The following PRKD1 variants were observed in gnomAD, a reference collection of about 807,000 sequenced individuals.
PRKD1 encodes protein kinase D1, also known as serine/threonine-protein kinase D1.
PRKD1 carries 63 observed loss-of-function variants against 95.9 expected under a neutral mutation model. That is an observed-to-expected ratio of 0.66 (90% CI 0.54 to 0.81). The LOEUF (loss-of-function observed/expected upper bound fraction) is 0.81, where lower values mean the gene tolerates loss of function less well. PRKD1 is among the 30% of genes least tolerant of loss of function. The probability of loss-of-function intolerance (pLI) is 0.00; values close to 1 mark genes in which losing one functional copy is unlikely to be tolerated. For missense variants in PRKD1, 1,048 were observed against 1,165.3 expected (o/e 0.90, Z 1.47); for synonymous variants, 425 against 423.1 (o/e 1.00, Z -0.05).
At chr14:29,615,780 C>T (rs1199735498) in intron 13 of PRKD1, among the ~76,000 whole-genome samples, 1 of 152,216 alleles carries the variant, frequency 6.6e-6, no homozygotes, top group East Asian at 1.9e-4. Flanking sequence ...TTCACAGGTA[C>T]TGTCGAATGA....
intron 1 of PRKD1, among the ~76,000 whole-genome samples, chr14:29,779,234 G>C (rs1007213214): frequency 1.3e-5 from 2 of 152,170 alleles, no homozygotes; most frequent in African/African-American, 4.8e-5. Flanking sequence ...GCACAAGACA[G>C]GGATGTCCTT....
At chr14:29,698,753 G>T (rs1884669662) in intron 2 of PRKD1, among the ~76,000 whole-genome samples, 1 of 151,734 alleles carries the variant, frequency 6.6e-6, no homozygotes, top group Non-Finnish European at 1.5e-5. Flanking sequence ...ACTTAATCGT[G>T]GTCTCTTTTC....
At position 29,674,000 on chromosome 14, in the gene PRKD1, T is replaced by C. The variant is rs534185564; in HGVS notation, c.404-7792A>G. On this transcript the variant is annotated intron_variant, in intron 2 of 17. Transcript: ENST00000331968. ...TATAAAATGGGCTTCGTGTGATGCATCTCACTGGATTATGAGGAAGACACA... is the reference window on the plus strand; with the variant it reads ...TATAAAATGGGCTTCGTGTGATGCACCTCACTGGATTATGAGGAAGACACA... Among the ~76,000 whole-genome samples, 204 of 152,210 alleles carry C rather than the reference T, an allele frequency of 1.3e-3. 1 individual carries two copies. The highest frequency in any genetic ancestry group is 4.3e-3 in the African/African-American group (180 of 41,522).
At chr14:29,835,640 G>C (rs568120329) in intron 1 of PRKD1, among the ~76,000 whole-genome samples, 1 of 152,050 alleles carries the variant, frequency 6.6e-6, no homozygotes, top group Non-Finnish European at 1.5e-5. Context: ...GCGCGATCTT[G>C]GCTCACCACA....
intron 1 of PRKD1, among the ~76,000 whole-genome samples, chr14:29,905,641 T>C (rs1357534934): frequency 1.3e-5 from 2 of 152,150 alleles, no homozygotes; most frequent in African/African-American, 4.8e-5. Context: ...GCTAGAAACA[T>C]GGCTGAAAAT....
At chr14:29,860,516 G>A (rs543337423) in intron 1 of PRKD1, among the ~76,000 whole-genome samples, 8 of 152,132 alleles carry the variant, frequency 5.3e-5, no homozygotes, top group Non-Finnish European at 1.0e-4. Flanking sequence ...GAGATATCAC[G>A]TTAATTCAAA....
chr14:29,816,666 C>T (rs1392777224), intron 1 of PRKD1, among the ~76,000 whole-genome samples: 1 of 152,148 alleles, frequency 6.6e-6, no homozygotes, highest in Non-Finnish European at 1.5e-5. Flanking sequence ...ACCAGAAGTT[C>T]ACATTTACTC....
rs143713980 is a variant in PRKD1, at chr14:29,789,319, T to C, written c.265-63645A>G. ...GTCACGTTTCCTTGCTTTTTCATTT[T>C]TCTGTGCCCTTATCTTGATATCTGC... is the stretch of plus-strand genomic sequence containing the variant. On this transcript the variant is annotated intron_variant, in intron 1 of 17. Coordinates refer to ENST00000331968, the MANE Select transcript of PRKD1 (RefSeq NM_002742.3). 2.0e-5 allele frequency among the ~76,000 whole-genome samples: 3 copies of C among 152,358 alleles called. No homozygotes were observed. The East Asian group carries it at 5.8e-4, about 29-fold the overall frequency.
At chr14:29,717,192 A>T (rs987525996) in intron 2 of PRKD1, among the ~76,000 whole-genome samples, 1 of 152,176 alleles carries the variant, frequency 6.6e-6, no homozygotes, top group African/African-American at 2.4e-5. Context: ...CAATAAATAG[A>T]TATTGATTGC....
intron 1 of PRKD1, among the ~76,000 whole-genome samples, chr14:29,891,655 G>T (rs1283380091): frequency 6.6e-6 from 1 of 150,582 alleles, no homozygotes; most frequent in African/African-American, 2.4e-5. Context: ...GTAAATTTTT[G>T]GGGTTTTTTT....
intron 4 of PRKD1, chr14:29,650,456 C>T (rs552614774): frequency 6.6e-6 from 1 of 152,510 alleles, no homozygotes; most frequent in East Asian, 1.9e-4. Flanking sequence ...CAGGTCTCCT[C>T]TGTCCCGGGG....
chr14:29,816,166 C>T (rs949700673), intron 1 of PRKD1, among the ~76,000 whole-genome samples: 2 of 152,004 alleles, frequency 1.3e-5, no homozygotes, highest in South Asian at 2.1e-4. Context: ...TGCAGTGAGC[C>T]GAGATCTTGC....
chr14:29,601,484 T>A (rs1893517629), intron 13 of PRKD1, among the ~76,000 whole-genome samples: 1 of 152,144 alleles, frequency 6.6e-6, no homozygotes, highest in Non-Finnish European at 1.5e-5. Context: ...AGGGCTAGAG[T>A]CATTGTTCTT....
intron 1 of PRKD1, among the ~76,000 whole-genome samples, chr14:29,904,185 T>C (rs528234302): frequency 6.6e-6 from 1 of 152,334 alleles, no homozygotes; most frequent in South Asian, 2.1e-4. Flanking sequence ...ATAGTGTATT[T>C]GTGTTCACTA....
intron 1 of PRKD1, among the ~76,000 whole-genome samples, chr14:29,767,609 T>C (rs1888312235): frequency 6.6e-6 from 1 of 152,166 alleles, no homozygotes; most frequent in African/African-American, 2.4e-5. Flanking sequence ...CTCATTCCAT[T>C]TTAGCCAGTG....
chr14:29,700,964 ACGCGTGCGCATGCG>A lies in PRKD1; in HGVS notation c.403+24558_403+24571del, dbSNP rs1351554345. The stretch of plus-strand genomic sequence containing the variant: ...CCTTCCTCCCAAGGCATTTGTGTGT[ACGCGTGCGCATGCG>A]CGCGCGCGCGCACACACACACACAC... On this transcript the variant is annotated intron_variant, in intron 2 of 17. Coordinates refer to ENST00000331968, the MANE Select transcript of PRKD1 (RefSeq NM_002742.3). 2.3e-4 allele frequency among the ~76,000 whole-genome samples: 10 copies of A among 44,032 alleles called. No homozygotes were observed. The East Asian group carries it at 3.5e-3, about 15-fold the overall frequency. The allele number at this position is 44,032 out of a possible 152,430, so 28.9% of individuals were successfully genotyped here. A position where few individuals can be genotyped will look rare whatever the true frequency, so the allele number is the denominator to read the frequency against.
At chr14:29,742,380 A>G (rs376908798) in intron 1 of PRKD1, among the ~76,000 whole-genome samples, 21 of 152,276 alleles carry the variant, frequency 1.4e-4, no homozygotes, top group African/African-American at 4.8e-4. Flanking sequence ...GCCTACAAAG[A>G]CCTTTCTATG....
chr14:29,737,357 A>AAAG (rs1354588813), intron 1 of PRKD1, among the ~76,000 whole-genome samples: 103 of 147,946 alleles, frequency 7.0e-4, no homozygotes, highest in Non-Finnish European at 1.2e-3. Context: ...AAAAAAAAAA[A>AAAG]AAAAATACTC....
intron 2 of PRKD1, among the ~76,000 whole-genome samples, chr14:29,712,491 G>A (rs763000798): frequency 6.6e-6 from 1 of 152,134 alleles, no homozygotes; most frequent in Non-Finnish European, 1.5e-5. Context: ...ATAATTCAGA[G>A]CTGATTCAAA....
Sources: allele counts gnomAD v4.1 joint callset (sites outside exome capture counted in the v4.1 genomes callset), GRCh38; gene constraint gnomAD v4.1.1; transcripts MANE v1.5; gene names NCBI Gene and HGNC (gene_info 2026-07-23, HGNC 2026-07-21).